CACNA1C: variants seen among roughly 807,000 people sequenced by gnomAD.
CACNA1C encodes the protein calcium voltage-gated channel subunit alpha1 C.
CACNA1C carries 30 observed loss-of-function variants against 229.0 expected under a neutral mutation model. The ratio of observed to expected loss-of-function variants is 0.13; its 90% CI spans 0.10 to 0.18. The LOEUF is 0.18. Ranked by LOEUF, CACNA1C falls within the 10% of genes least tolerant of loss-of-function variation. The probability of loss-of-function intolerance (pLI) is 1.00; values close to 1 mark genes in which losing one functional copy is unlikely to be tolerated. For missense variants in CACNA1C, 1,658 were observed against 2,845.0 expected (o/e 0.58, Z 9.49); for synonymous variants, 1,114 against 1,132.5 (o/e 0.98, Z 0.33).
At chr12:2,318,068 TG>T (rs2095789187) in intron 3 of CACNA1C, among the ~76,000 whole-genome samples, 3 of 151,980 alleles carry the variant, frequency 2.0e-5, no homozygotes, top group Non-Finnish European at 4.4e-5. Flanking sequence ...TGAAGGGTGG[TG>T]GGTAGGAGTG....
At chr12:2,277,956 G>A (rs1437080414) in intron 3 of CACNA1C, among the ~76,000 whole-genome samples, 1 of 152,254 alleles carries the variant, frequency 6.6e-6, no homozygotes, top group Non-Finnish European at 1.5e-5. Flanking sequence ...GAGATGGGTT[G>A]CATGGCACAC....
At chr12:2,209,092 G>C (rs983727748) in intron 3 of CACNA1C, among the ~76,000 whole-genome samples, 16 of 152,186 alleles carry the variant, frequency 1.1e-4, no homozygotes, top group African/African-American at 3.9e-4. Flanking sequence ...GCAGCACCTG[G>C]TATGAAATCT....
At chr12:2,212,441 G>C (rs2097951513) in intron 3 of CACNA1C, among the ~76,000 whole-genome samples, 2 of 152,150 alleles carry the variant, frequency 1.3e-5, no homozygotes, top group South Asian at 4.1e-4. Context: ...TCTTACGGTT[G>C]CTTATAAAGG....
chr12:2,322,943 G>C (rs1467345851), intron 3 of CACNA1C, among the ~76,000 whole-genome samples: 2 of 152,204 alleles, frequency 1.3e-5, no homozygotes, highest in South Asian at 2.1e-4. Flanking sequence ...GCACCACGCT[G>C]TCCCGACGCT....
chr12:2,535,112 G>A (rs1410849168), intron 9 of CACNA1C, among the ~76,000 whole-genome samples: 6 of 152,198 alleles, frequency 3.9e-5, no homozygotes, highest in South Asian at 2.1e-4. Context: ...AGCTAGAGCC[G>A]GGCACGGTGG....
intron 1 of CACNA1C, among the ~76,000 whole-genome samples, chr12:1,995,882 C>A (rs1044304179): frequency 3.3e-4 from 50 of 150,618 alleles, no homozygotes; most frequent in African/African-American, 1.2e-3. Flanking sequence ...CCAGCCCTGC[C>A]CTTACTCTGA....
In CACNA1C at chr12:2,115,471, C is replaced by T. The variant is rs2083443505; in HGVS notation, c.297C>T (p.Arg99=). The change falls in exon 2 of 47, where the codon CGC becomes CGT. Residue 99 remains arginine, a synonymous_variant. Coordinates refer to ENST00000399655, the MANE Select transcript of CACNA1C (RefSeq NM_000719.7). The part of the protein sequence containing the change: ...PKKQGSTTAT[R]PPRALLCLTL... ...AGCAGGGCAGCACCACGGCCACACGCCCGCCCCGAGCCCTGCTCTGCCTGA... is the reference window on the plus strand; with the variant it reads ...AGCAGGGCAGCACCACGGCCACACGTCCGCCCCGAGCCCTGCTCTGCCTGA... 6.2e-7 allele frequency: 1 copy of T among 1,613,476 alleles called. No individual in the cohort carries two copies.
chr12:2,540,840 C>T (rs1278724166), intron 9 of CACNA1C, among the ~76,000 whole-genome samples: 2 of 152,204 alleles, frequency 1.3e-5, no homozygotes, highest in African/African-American at 4.8e-5. Flanking sequence ...CCGACAGTGT[C>T]TTAGTCGGCC....
intron 42 of CACNA1C, chr12:2,680,452 A>G: frequency 6.4e-7 from 1 of 1,562,736 alleles, no homozygotes; most frequent in Non-Finnish European, 8.7e-7. Flanking sequence ...CAGCAGCTCC[A>G]GGGTTCCCTG....
intron 3 of CACNA1C, among the ~76,000 whole-genome samples, chr12:2,233,597 A>G (rs2066159009): frequency 1.3e-5 from 2 of 152,246 alleles, no homozygotes. Flanking sequence ...ATATGAAGAT[A>G]CCATTCCCTG....
intron 7 of CACNA1C, among the ~76,000 whole-genome samples, chr12:2,501,390 C>G (rs1180662054): frequency 6.6e-6 from 1 of 152,136 alleles, no homozygotes; most frequent in Non-Finnish European, 1.5e-5. Context: ...CCTGGGACTC[C>G]CATTCCAGGG....
rs774577016 is a variant in CACNA1C at position 2,691,136 on chromosome 12, C to T, written c.6354C>T (p.Arg2118=). Residue 2118 remains arginine (R), a synonymous_variant, in exon 47 of 47, where the codon CGC becomes CGT. Transcript: ENST00000399655. The part of the protein sequence containing the change: ...AGGEEDAGCV[R]ARGRPSEEEL... The stretch of plus-strand genomic sequence containing the variant: ...GCGAAGAGGACGCGGGCTGTGTGCG[C>T]GCGCGGGGTCGACCGAGTGAGGAGG... The T allele has an allele frequency of 5.6e-6, 9 of 1,606,950 alleles. No homozygotes were observed. In the Middle Eastern group the frequency reaches 5.3e-4, roughly 95 times the overall value.
At chr12:2,589,588 G>T (rs544295658) in intron 18 of CACNA1C, among the ~76,000 whole-genome samples, 2 of 152,232 alleles carry the variant, frequency 1.3e-5, no homozygotes, top group Non-Finnish European at 2.9e-5. Flanking sequence ...GGCAGAAGGC[G>T]CAGGGCCATG....
chr12:2,138,226 G>C (rs543142309), intron 3 of CACNA1C, among the ~76,000 whole-genome samples: 2 of 151,352 alleles, frequency 1.3e-5, no homozygotes, highest in African/African-American at 2.4e-5. Flanking sequence ...AGGAAGGCCA[G>C]GATATCCAGG....
intron 3 of CACNA1C, among the ~76,000 whole-genome samples, chr12:2,333,382 T>G (rs1266014795): frequency 6.6e-6 from 1 of 152,194 alleles, no homozygotes; most frequent in Non-Finnish European, 1.5e-5. Context: ...CTGGGGGCGC[T>G]GGCCCCCACG....
At position 2,112,544 on chromosome 12, in the gene CACNA1C, G is replaced by A. The variant is rs997637560; in HGVS notation, c.50-2680G>A. On this transcript the variant is annotated intron_variant, in intron 1 of 46. Transcript: ENST00000399655. ...GAGTCGGTGTCACATTGAGAATGTG[G>A]CTATGAACTGGGTGTGGCAGAGAGG... is the stretch of plus-strand genomic sequence containing the variant. Among the ~76,000 whole-genome samples, 9 of 152,264 alleles carry A rather than the reference G, an allele frequency of 5.9e-5. No homozygotes were observed. The East Asian group carries it at 1.5e-3, about 26-fold the overall frequency.
At chr12:2,099,049 A>C (rs6489348) in intron 1 of CACNA1C, among the ~76,000 whole-genome samples, 94,388 of 152,152 alleles carry the variant, frequency 0.62, 29,587 homozygotes, top group Non-Finnish European at 0.66. Flanking sequence ...CCCTCCCTGG[A>C]ACCTGGTTCT....
At chr12:2,206,934 T>C (rs1443886915) in intron 3 of CACNA1C, among the ~76,000 whole-genome samples, 1 of 152,240 alleles carries the variant, frequency 6.6e-6, no homozygotes, top group Non-Finnish European at 1.5e-5. Flanking sequence ...GCTGTTTATA[T>C]AGGAAATTAT....
intron 26 of CACNA1C, among the ~76,000 whole-genome samples, chr12:2,607,610 T>C (rs1214998001): frequency 1.3e-5 from 2 of 152,176 alleles, no homozygotes; most frequent in Admixed American, 6.5e-5. Context: ...CAGTGGAAAG[T>C]AGGAAAGGGA....
Sources: allele counts gnomAD v4.1 joint callset (sites outside exome capture counted in the v4.1 genomes callset), GRCh38; gene constraint gnomAD v4.1.1; transcripts MANE v1.5; gene names NCBI Gene and HGNC (gene_info 2026-07-23, HGNC 2026-07-21).